COL9A3: variants seen among roughly 807,000 people sequenced by gnomAD.
The protein encoded by COL9A3 is collagen type IX alpha 3 chain.
Under a neutral mutation model 110.2 loss-of-function variants are expected in COL9A3, and 82 were observed. The observed-to-expected ratio is 0.74, with a 90% CI of 0.62 to 0.89. The LOEUF (loss-of-function observed/expected upper bound fraction) is 0.89. Ranked by LOEUF, COL9A3 falls within the 40% of genes least tolerant of loss-of-function variation. The pLI, the probability that COL9A3 is intolerant of heterozygous loss-of-function variation, is 0.00. For synonymous variants in COL9A3, 494 were observed against 403.8 expected (o/e 1.22, Z -2.68); for missense variants, 1,066 against 981.3 (o/e 1.09, Z -1.15).
chr20:62,823,022 C>A (rs914619133), intron 10 of COL9A3, among the ~76,000 whole-genome samples: 2 of 151,980 alleles, frequency 1.3e-5, no homozygotes, highest in African/African-American at 2.4e-5. Context: ...GATCTTTGAG[C>A]CTTGTCATTT....
At chr20:62,818,588 C>T in intron 3 of COL9A3, 35 bp downstream of exon 3, 1 of 1,601,030 alleles carries the variant, frequency 6.2e-7, no homozygotes, top group Non-Finnish European at 8.6e-7. Context: ...AGCCTTTTTC[C>T]AGTCTGGAGA....
intron 25 of COL9A3, 93 bp from the exon 26 acceptor site, chr20:62,832,927 C>G: frequency 5.0e-6 from 6 of 1,190,166 alleles, no homozygotes; most frequent in Non-Finnish European, 7.5e-6. Flanking sequence ...ATGAACATTA[C>G]ACCTACGGAG....
Position 62,836,302 on chromosome 20 carries a change from T to A in COL9A3, c.1517T>A (p.Val506Asp). 6.2e-7 allele frequency: 1 copy of A among 1,613,904 alleles called. No homozygotes were observed. The highest frequency in any genetic ancestry group is 1.6e-4 in the Middle Eastern group (1 of 6,062). ...CTGGGCCTGCAGGGCGTCCCGGGTGTTCCTGGCATCACGGGGAAGCCGGGA... is the reference window on the plus strand; with the variant it reads ...CTGGGCCTGCAGGGCGTCCCGGGTGATCCTGGCATCACGGGGAAGCCGGGA... ...GPLGLQGVPGVPGITGKPGVP... is the reference protein window; with the variant it reads ...GPLGLQGVPGDPGITGKPGVP... Residue 506 changes from valine (V) to aspartate (D), a missense_variant, in exon 28 of 32, where the codon GTT (valine) becomes GAT (aspartate). Transcript: ENST00000649368.
intron 26 of COL9A3, among the ~76,000 whole-genome samples, chr20:62,834,644 CTTT>C (rs992779478): frequency 6.8e-6 from 1 of 146,448 alleles, no homozygotes; most frequent in Non-Finnish European, 1.5e-5. Flanking sequence ...TTAGTGAATT[CTTT>C]TTTTATTTTT....
chr20:62,835,688 G>T (rs1423173256), intron 26 of COL9A3, among the ~76,000 whole-genome samples: 1 of 152,164 alleles, frequency 6.6e-6, no homozygotes, highest in East Asian at 1.9e-4. Flanking sequence ...GCACCGTGCA[G>T]CTAACAAAGT....
intron 4 of COL9A3, 95 bp from the exon 5 acceptor site, chr20:62,819,834 C>A: frequency 7.2e-7 from 1 of 1,389,518 alleles, no homozygotes; most frequent in Non-Finnish European, 1.0e-6. Context: ...CCTCTCTGGA[C>A]TCACCAAGGG....
chr20:62,819,121 G>A (rs1991033011), intron 3 of COL9A3, 101 bp from the exon 4 acceptor site: 5 of 1,206,020 alleles, frequency 4.1e-6, no homozygotes, highest in Middle Eastern at 1.9e-4. Flanking sequence ...ATCCCGTATG[G>A]TTGGGCTGGG....
In COL9A3 at chr20:62,827,991, C is replaced by G. The variant is rs1457815614; in HGVS notation, c.900+15C>G. On this transcript the variant is annotated intron_variant, in intron 17 of 31. Coordinates refer to ENST00000649368, the MANE Select transcript of COL9A3 (RefSeq NM_001853.4). ...GCGGAGAGCCGGTGAGTGCACGTGG[C>G]TGCTCATGGAATGCTCCTCCCCCGG... The G allele has an allele frequency of 1.2e-6, 2 of 1,612,716 alleles. No individual in the cohort carries two copies. The highest frequency in any genetic ancestry group is 3.3e-5 in the Admixed American group (2 of 60,018).
At chr20:62,840,405 C>T in intron 31 of COL9A3, 137 bp from the exon 32 acceptor site, 1 of 850,630 alleles carries the variant, frequency 1.2e-6, no homozygotes, top group Non-Finnish European at 2.0e-6. Flanking sequence ...GTTCCCTCGG[C>T]CTCCCCACCC....
rs931528517 is a variant in COL9A3 at position 62,825,876 on chromosome 20, G to A, written c.684+6G>A. 3 of 1,558,752 alleles carry A rather than the reference G, an allele frequency of 1.9e-6. No homozygotes were observed. The highest frequency in any genetic ancestry group is 2.7e-5 in the African/African-American group (2 of 73,720). ...CGGGCAGCGTGGGGCTGCAGGTGAG[G>A]CTAGGAAGGGGTAAGGATGGTGGGA... On this transcript the variant is annotated splice_donor_region_variant and intron_variant, in intron 13 of 31. Coordinates refer to ENST00000649368, the MANE Select transcript of COL9A3 (RefSeq NM_001853.4).
rs970443376 is a variant in COL9A3, at chr20:62,832,303, C to G, written c.1323+114C>G. On this transcript the variant is annotated intron_variant, in intron 25 of 31. Transcript: ENST00000649368. ...CTGTGTTTTCGGGACACTGAGCCTC[C>G]TTTCTCCTCTTGCCGTGTCTGTCAG... The G allele has an allele frequency of 4.8e-6, 5 of 1,037,076 alleles. No individual in the cohort carries two copies. The African/African-American group carries it at 6.4e-5, about 13-fold the overall frequency. The allele number at this position is 1,037,076 out of a possible 1,614,324, so 64.2% of individuals were successfully genotyped here.
At position 62,819,232 on chromosome 20, in the gene COL9A3, G is replaced by A. The variant is rs911107185; in HGVS notation, c.194G>A (p.Gly65Glu). 2.3e-5 allele frequency: 37 copies of A among 1,612,668 alleles called. No individual in the cohort carries two copies. The highest frequency in any genetic ancestry group is 1.7e-4 in the Admixed American group (10 of 60,006). ...PGLPGPPGPK[G>E]APGKPGKPGE... Reference sequence around the variant, plus strand: ...TTTCCTCCTGCACAGGGACCAAAGGGGGCCCCAGGAAAGCCGGGGAAACCA... The same window carrying A: ...TTTCCTCCTGCACAGGGACCAAAGGAGGCCCCAGGAAAGCCGGGGAAACCA... The change falls in exon 4 of 32, where the codon GGG (glycine) becomes GAG (glutamate). Residue 65 changes from glycine (G) to glutamate (E), a missense_variant. Transcript: ENST00000649368.
In COL9A3 at chr20:62,823,835, G is replaced by A. The variant is rs3787517; in HGVS notation, c.520-610G>A. On this transcript the variant is annotated intron_variant, in intron 10 of 31. Coordinates refer to ENST00000649368, the MANE Select transcript of COL9A3 (RefSeq NM_001853.4). ...TGCAAGGCCCCCTGCAGTGCCGGCCGGGACTGTGCTGAATGGCTGCTTTGA... is the reference window on the plus strand; with the variant it reads ...TGCAAGGCCCCCTGCAGTGCCGGCCAGGACTGTGCTGAATGGCTGCTTTGA... Among the ~76,000 whole-genome samples, 17 of 152,378 alleles carry A rather than the reference G, an allele frequency of 1.1e-4. No homozygotes were observed. In the East Asian group the frequency reaches 2.3e-3, roughly 21 times the overall value.
chr20:62,827,924 G>A lies in COL9A3; in HGVS notation c.848G>A (p.Gly283Asp). Residue 283 changes from glycine to aspartate, a missense_variant and splice_region_variant, in exon 17 of 32, where the codon GGC (glycine) becomes GAC (aspartate). Coordinates refer to ENST00000649368, the MANE Select transcript of COL9A3 (RefSeq NM_001853.4). ...TTCTGTCACTTGTGTGTCCTCTAGG[G>A]CAGACCTGGTCCCAAGGGAACCCCC... ...EGFRGPKGDL[G>D]RPGPKGTPGV... 1 of 1,612,974 alleles carries A rather than the reference G, an allele frequency of 6.2e-7. No individual in the cohort carries two copies. The highest frequency in any genetic ancestry group is 8.5e-7 in the Non-Finnish European group (1 of 1,179,974).
intron 2 of COL9A3, 103 bp from the exon 3 acceptor site, chr20:62,818,415 C>A: frequency 1.8e-6 from 2 of 1,127,234 alleles, no homozygotes; most frequent in Non-Finnish European, 2.7e-6. Flanking sequence ...TGGGGCTGGG[C>A]CTCTGGGGCT....
At chr20:62,829,914 C>T in intron 22 of COL9A3, 95 bp downstream of exon 22, 1 of 1,435,280 alleles carries the variant, frequency 7.0e-7, no homozygotes, top group Non-Finnish European at 9.4e-7. Flanking sequence ...CATTTGGTTG[C>T]CTTGATGGGC....
intron 29 of COL9A3, 175 bp from the exon 30 acceptor site, chr20:62,836,908 G>A: frequency 1.1e-6 from 1 of 896,092 alleles, no homozygotes; most frequent in Non-Finnish European, 1.8e-6. Context: ...CAAGGGGTTG[G>A]GGGTCCTTTC....
In COL9A3 at chr20:62,817,649, TG is replaced by T; in HGVS notation, c.147+18del. On this transcript the variant is annotated intron_variant, in intron 2 of 31. Coordinates refer to ENST00000649368, the MANE Select transcript of COL9A3 (RefSeq NM_001853.4). ...GACGGCATTGACGTGAGTTTGGGGG[TG>T]GGGAGGGCCCCGAGCGCTCTGGGGT... 6.6e-7 allele frequency: 1 copy of T among 1,524,694 alleles called. No homozygotes were observed. Among genetic ancestry groups the T allele is most frequent in the Non-Finnish European group, 8.8e-7 (1 of 1,131,520 alleles). 94.4% of individuals were successfully genotyped at this position (1,524,694 alleles called of 1,614,324 possible).
At position 62,822,161 on chromosome 20, in the gene COL9A3, C is replaced by T; in HGVS notation, c.474C>T (p.Pro158=). 6.4e-7 allele frequency: 1 copy of T among 1,569,546 alleles called. No individual in the cohort carries two copies. Among genetic ancestry groups the T allele is most frequent in the South Asian group, 1.1e-5 (1 of 90,224 alleles). The stretch of plus-strand genomic sequence containing the variant: ...CTGGTCCCCCAGGACCTCCCGGACC[C>T]CCTGTAAGTACTGGGCAGAGGCTCT... The part of the protein sequence containing the change: ...GLPGPPGPPG[P]PGHPGVLPEG... Residue 158 remains proline (P), a synonymous_variant, in exon 9 of 32, where the codon CCC becomes CCT. Coordinates refer to ENST00000649368, the MANE Select transcript of COL9A3 (RefSeq NM_001853.4).
Sources: gnomAD v4.1 joint callset for allele counts (sites outside exome capture counted in the v4.1 genomes callset) on GRCh38, gnomAD v4.1.1 for gene constraint, MANE v1.5 for transcripts, NCBI Gene and HGNC (gene_info 2026-07-23, HGNC 2026-07-21) for gene names.